The following RGS2 variants were observed in gnomAD, a reference collection of about 807,000 sequenced individuals.
RGS2 encodes G0 to G1 switch regulatory 8, 24kD.
A neutral mutation model predicts 26.6 loss-of-function variants in RGS2; 20 were observed. That is an observed-to-expected ratio of 0.75 (90% CI 0.53 to 1.09). The LOEUF is 1.09. Ranked by LOEUF, RGS2 falls within the 50% of genes least tolerant of loss-of-function variation. RGS2 has a pLI of 0.00. For synonymous variants in RGS2, 97 were observed against 79.9 expected (o/e 1.21, Z -1.14); for missense variants, 246 against 245.5 (o/e 1.00, Z -0.01).
rs1011648767 is a variant in RGS2 at position 192,811,160 on chromosome 1, G to A, written c.441+13G>A. On this transcript the variant is annotated intron_variant, in intron 4 of 4. Transcript: ENST00000235382. ...AGCTCCAAAAGAGGTAAGGAAACAA[G>A]TTCCTAATTTCAGCACAATCTGGAC... 3 of 1,613,570 alleles carry A rather than the reference G, an allele frequency of 1.9e-6. No individual in the cohort carries two copies. The African/African-American group carries it at 4.0e-5, about 22-fold the overall frequency.
At chr1:192,809,587 T>C (rs1419612354) in intron 1 of RGS2, 1 of 321,516 alleles carries the variant, frequency 3.1e-6, no homozygotes, top group Non-Finnish European at 6.1e-6. Context: ...ATTTTTGTTT[T>C]TTAATTATAG....
In RGS2 at chr1:192,810,251, C is replaced by T; in HGVS notation, c.196C>T (p.Gln66Ter). Reference sequence around the variant, plus strand: ...GCCCAAAACCGGCAAAAAAAGCAAACAGCAAGCTTTCATCAAGTAAGTTGA... The same window carrying T: ...GCCCAAAACCGGCAAAAAAAGCAAATAGCAAGCTTTCATCAAGTAAGTTGA... ...GKPKTGKKSK[Q>*]QAFIKPSPEE... The change falls in exon 2 of 5, where the codon CAG (glutamine) becomes TAG (stop). Residue 66 changes from glutamine to a stop codon, truncating the protein, a stop_gained. Transcript: ENST00000235382. LOFTEE classifies it high-confidence loss of function. 1 of 1,613,658 alleles carries T rather than the reference C, an allele frequency of 6.2e-7. No individual in the cohort carries two copies. Among genetic ancestry groups the T allele is most frequent in the Non-Finnish European group, 8.5e-7 (1 of 1,179,498 alleles).
Position 192,811,408 on chromosome 1 carries a change from A to C in RGS2, c.448A>C (p.Ile150Leu). 6.2e-7 allele frequency: 1 copy of C among 1,612,382 alleles called. No individual in the cohort carries two copies. The highest frequency in any genetic ancestry group is 1.7e-5 in the Admixed American group (1 of 59,876). ...IEKEAPKEINIDFQTKTLIAQ... is the reference protein window; with the variant it reads ...IEKEAPKEINLDFQTKTLIAQ... ...CTTTTTTGTTTTATTTCAGATAAAC[A>C]TAGATTTTCAAACCAAAACTCTGAT... The change falls in exon 5 of 5, where the codon ATA (isoleucine) becomes CTA (leucine). Residue 150 changes from isoleucine (I) to leucine (L), a missense_variant. By Grantham distance (5) the Ile-to-Leu change is conservative. Transcript: ENST00000235382.
chr1:192,811,140 C>CA lies in RGS2; in HGVS notation c.438dup (p.Glu147ArgfsTer54). On this transcript the variant is annotated frameshift_variant, in exon 4 of 5. Transcript: ENST00000235382. LOFTEE classifies it high-confidence loss of function. ...ACTGACTTCATAGAAAAGGAAGCTCCAAAAGAGGTAAGGAAACAAGTTCCT... is the reference window on the plus strand; with the variant it reads ...ACTGACTTCATAGAAAAGGAAGCTCCAAAAAGAGGTAAGGAAACAAGTTCCT... 1 of 1,614,014 alleles carries CA rather than the reference C, an allele frequency of 6.2e-7. No individual in the cohort carries two copies.
chr1:192,809,523 C>T, intron 1 of RGS2: 4 of 383,574 alleles, frequency 1.0e-5, no homozygotes, highest in South Asian at 8.8e-5. Context: ...TCAGCTTACA[C>T]AGCTACTGGA....
chr1:192,809,045 A>T lies in RGS2; in HGVS notation c.-27A>T. On this transcript the variant is annotated 5_prime_UTR_variant, in exon 1 of 5. Transcript: ENST00000235382. Reference sequence around the variant, plus strand: ...CTGCGACGCACGCCCAGCCGCAAACAGCCGGGGCTCCAGCGGGAGAACGAT... The same window carrying T: ...CTGCGACGCACGCCCAGCCGCAAACTGCCGGGGCTCCAGCGGGAGAACGAT... 1 of 1,552,014 alleles carries T rather than the reference A, an allele frequency of 6.4e-7. No individual in the cohort carries two copies. Among genetic ancestry groups the T allele is most frequent in the Non-Finnish European group, 8.9e-7 (1 of 1,123,382 alleles).
At chr1:192,810,028 A>T (rs1044582012) in intron 1 of RGS2, 138 bp from the exon 2 acceptor site, 1 of 678,424 alleles carries the variant, frequency 1.5e-6, no homozygotes, top group Non-Finnish European at 2.6e-6. Context: ...GATAAGACTT[A>T]TTTGAAGAGT....
rs1328138588 is a variant in RGS2 at position 192,811,497 on chromosome 1, C to G, written c.537C>G (p.Ser179Arg). 4 of 1,613,836 alleles carry G rather than the reference C, an allele frequency of 2.5e-6. No homozygotes were observed. Among genetic ancestry groups the G allele is most frequent in the Non-Finnish European group, 3.4e-6 (4 of 1,179,874 alleles). The stretch of plus-strand genomic sequence containing the variant: ...CAACTGCCCAGAAAAGGGTATACAG[C>G]TTGATGGAGAACAACTCTTATCCTC... Reference protein sequence around the residue: ...CFTTAQKRVYSLMENNSYPRF... With the variant: ...CFTTAQKRVYRLMENNSYPRF... Residue 179 changes from serine (S) to arginine (R), a missense_variant, in exon 5 of 5, where the codon AGC (serine) becomes AGG (arginine). Ser to Arg is a moderately radical substitution (Grantham distance 110). Transcript: ENST00000235382.
rs1467663869 is a variant in RGS2, at chr1:192,811,729, A to G, written c.*133A>G. 1.1e-6 allele frequency: 1 copy of G among 895,726 alleles called. No homozygotes were observed. The highest frequency in any genetic ancestry group is 1.8e-6 in the Non-Finnish European group (1 of 543,464). 55.5% of individuals were successfully genotyped at this position (895,726 alleles called of 1,614,324 possible). Reference sequence around the variant, plus strand: ...AAACATCACTCAGAACTATTGATTCAAAGTTGGGTAGTGAATCAGGAAGCC... The same window carrying G: ...AAACATCACTCAGAACTATTGATTCGAAGTTGGGTAGTGAATCAGGAAGCC... On this transcript the variant is annotated 3_prime_UTR_variant, in exon 5 of 5. Coordinates refer to ENST00000235382, the MANE Select transcript of RGS2 (RefSeq NM_002923.4).
chr1:192,810,203 C>G lies in RGS2; in HGVS notation c.148C>G (p.Gln50Glu), dbSNP rs80221024. The G allele has an allele frequency of 3.1e-6, 5 of 1,613,736 alleles. No individual in the cohort carries two copies. Among genetic ancestry groups the G allele is most frequent in the Middle Eastern group, 1.7e-4 (1 of 6,060 alleles). ...DWKTRLSYFL[Q>E]NSSTPGKPKT... ...GAAGACCCGTTTGAGCTACTTCTTA[C>G]AAAATTCCTCTACTCCTGGGAAGCC... The change falls in exon 2 of 5, where the codon CAA becomes GAA. Residue 50 changes from glutamine to glutamate, a missense_variant. Physicochemically the swap from Gln to Glu is conservative, Grantham distance 29. Coordinates refer to ENST00000235382, the MANE Select transcript of RGS2 (RefSeq NM_002923.4).
rs1314764636 is a variant in RGS2 at position 192,810,994 on chromosome 1, A to AT, written c.290dup (p.Arg98GlnfsTer10). 3.1e-6 allele frequency: 5 copies of AT among 1,614,150 alleles called. No homozygotes were observed. In the East Asian group the frequency reaches 8.9e-5, roughly 29 times the overall value. ...TCCCCCCTTCAGATGGTCTTGCTGC[A>AT]TTCAGGGCTTTTTTAAAGTCGGAAT... On this transcript the variant is annotated frameshift_variant, in exon 4 of 5. Transcript: ENST00000235382. LOFTEE classifies it high-confidence loss of function.
Position 192,809,115 on chromosome 1 carries a change from C to T in RGS2, c.44C>T (p.Pro15Leu). Residue 15 changes from proline (P) to leucine (L), a missense_variant, in exon 1 of 5, where the codon CCC becomes CTC. Pro to Leu is a moderately conservative substitution (Grantham distance 98). Transcript: ENST00000235382. The part of the protein sequence containing the change: ...MFLAVQHDCR[P>L]MDKSAGSGHK... ...TTGGCTGTTCAACACGACTGCAGAC[C>T]CATGGACAAGAGCGCAGGCAGTGGC... 6 of 1,614,052 alleles carry T rather than the reference C, an allele frequency of 3.7e-6. No homozygotes were observed. Among genetic ancestry groups the T allele is most frequent in the Non-Finnish European group, 5.1e-6 (6 of 1,179,958 alleles).
rs750495025 is a variant in RGS2, at chr1:192,809,070, T to A, written c.-2T>A. 2 of 1,608,828 alleles carry A rather than the reference T, an allele frequency of 1.2e-6. No homozygotes were observed. The highest frequency in any genetic ancestry group is 2.7e-5 in the African/African-American group (2 of 74,818). ...AGCCGGGGCTCCAGCGGGAGAACGATAATGCAAAGTGCTATGTTCTTGGCT... is the reference window on the plus strand; with the variant it reads ...AGCCGGGGCTCCAGCGGGAGAACGAAAATGCAAAGTGCTATGTTCTTGGCT... On this transcript the variant is annotated 5_prime_UTR_variant, in exon 1 of 5. Transcript: ENST00000235382.
rs1665600047 is a variant in RGS2 at position 192,811,999 on chromosome 1, T to A, written c.*403T>A. ...CGATCCATGTTACCACATAGTAGTT[T>A]TAGTTTAGGATTCAGTAACAGTGAA... On this transcript the variant is annotated 3_prime_UTR_variant, in exon 5 of 5. Transcript: ENST00000235382. The A allele has an allele frequency of 3.6e-6, 1 of 277,488 alleles. No individual in the cohort carries two copies. The highest frequency in any genetic ancestry group is 7.1e-6 in the Non-Finnish European group (1 of 140,164). 17.2% of individuals were successfully genotyped at this position (277,488 alleles called of 1,614,324 possible).
chr1:192,810,115 C>T (rs768260823), intron 1 of RGS2, 51 bp from the exon 2 acceptor site: 10 of 1,130,250 alleles, frequency 8.8e-6, no homozygotes, highest in South Asian at 1.2e-5. Context: ...GCTGCAGTAG[C>T]ATATTCAAGT....
rs754481476 is a variant in RGS2, at chr1:192,810,267, A to G, written c.212A>G (p.Lys71Arg). Reference sequence around the variant, plus strand: ...AAAAGCAAACAGCAAGCTTTCATCAAGTAAGTTGAGAATCCTGTGCTTGCA... The same window carrying G: ...AAAAGCAAACAGCAAGCTTTCATCAGGTAAGTTGAGAATCCTGTGCTTGCA... ...GKKSKQQAFI[K>R]PSPEEAQLWS... The change falls in exon 2 of 5, where the codon AAG becomes AGG. Residue 71 changes from lysine to arginine, a missense_variant and splice_region_variant. Coordinates refer to ENST00000235382, the MANE Select transcript of RGS2 (RefSeq NM_002923.4). 10 of 1,612,882 alleles carry G rather than the reference A, an allele frequency of 6.2e-6. No homozygotes were observed. The highest frequency in any genetic ancestry group is 1.7e-5 in the Admixed American group (1 of 60,020).
Position 192,811,542 on chromosome 1 carries a change from C to G in RGS2, c.582C>G (p.Phe194Leu). ...NSYPRFLESE[F>L]YQDLCKKPQI... ...ATCCTCGTTTCTTGGAGTCAGAATT[C>G]TACCAGGACTTGTGTAAAAAGCCAC... is the stretch of plus-strand genomic sequence containing the variant. Residue 194 changes from phenylalanine to leucine, a missense_variant, in exon 5 of 5, where the codon TTC becomes TTG. Coordinates refer to ENST00000235382, the MANE Select transcript of RGS2 (RefSeq NM_002923.4). The G allele has an allele frequency of 6.2e-7, 1 of 1,614,132 alleles. No individual in the cohort carries two copies. The highest frequency in any genetic ancestry group is 8.5e-7 in the Non-Finnish European group (1 of 1,179,998).
chr1:192,810,231 A>G lies in RGS2; in HGVS notation c.176A>G (p.Lys59Arg), dbSNP rs1272685447. ...LQNSSTPGKP[K>R]TGKKSKQQAF... ...AATTCCTCTACTCCTGGGAAGCCCA[A>G]AACCGGCAAAAAAAGCAAACAGCAA... Residue 59 changes from lysine (K) to arginine (R), a missense_variant, in exon 2 of 5, where the codon AAA becomes AGA. By Grantham distance (26) the Lys-to-Arg change is conservative. Coordinates refer to ENST00000235382, the MANE Select transcript of RGS2 (RefSeq NM_002923.4). 1 of 1,614,044 alleles carries G rather than the reference A, an allele frequency of 6.2e-7. No homozygotes were observed. Among genetic ancestry groups the G allele is most frequent in the Non-Finnish European group, 8.5e-7 (1 of 1,179,972 alleles).
chr1:192,809,532 G>T (rs560727678), intron 1 of RGS2: 12 of 374,156 alleles, frequency 3.2e-5, no homozygotes, highest in Non-Finnish European at 6.2e-5. Flanking sequence ...ACAGCTACTG[G>T]AAGGTGATGC....
Sources: allele counts gnomAD v4.1 joint callset, GRCh38; gene constraint gnomAD v4.1.1; transcripts MANE v1.5; gene names NCBI Gene and HGNC (gene_info 2026-07-23, HGNC 2026-07-21).